Variants in CCDC149 observed in about 807,000 individuals in gnomAD.
CCDC149 encodes coiled-coil domain containing 149, also known as coiled-coil domain-containing protein 149.
A neutral mutation model predicts 59.9 loss-of-function variants in CCDC149; 45 were observed. The ratio of observed to expected loss-of-function variants is 0.75; its 90% CI spans 0.59 to 0.96. CCDC149 has a LOEUF of 0.96. CCDC149 is among the 40% of genes least tolerant of loss of function. The pLI is 0.00. For missense variants in CCDC149, 584 were observed against 664.7 expected, an observed-to-expected ratio of 0.88 and a Z score of 1.33; for synonymous variants, 245 against 260.6, an observed-to-expected ratio of 0.94 and a Z score of 0.58.
Position 24,932,100 on chromosome 4 carries a change from T to G in CCDC149, c.-64-36982A>C, listed in dbSNP as rs1190557545. On this transcript the variant is annotated intron_variant, in intron 1 of 12. Transcript: ENST00000389609. ...GCCAGTTTAGTTCCACAGTGCTTGC[T>G]CTAAACTATTATATTATATTGTGGC... 2.0e-5 allele frequency among the ~76,000 whole-genome samples: 3 copies of G among 152,022 alleles called. No individual in the cohort carries two copies. The East Asian group carries it at 5.8e-4, about 29-fold the overall frequency.
At chr4:24,958,088 G>A (rs1723519312) in intron 1 of CCDC149, among the ~76,000 whole-genome samples, 1 of 152,204 alleles carries the variant, frequency 6.6e-6, no homozygotes, top group South Asian at 2.1e-4. Flanking sequence ...GAATGAAGTA[G>A]TCACAGTGGC....
Position 24,838,169 on chromosome 4 carries a change from C to T in CCDC149, c.476G>A (p.Arg159Gln), listed in dbSNP as rs1392582676. The T allele has an allele frequency of 9.9e-6, 16 of 1,613,542 alleles. No individual in the cohort carries two copies. The East Asian group carries it at 1.1e-4, about 11-fold the overall frequency. ...GTTAGTGAGAACCTGTTCCTTAGCT[C>T]GCTCTAGCTGCTGCACCAAGTCTTC... Residue 159 changes from arginine to glutamine, a missense_variant, in exon 5 of 13, where the codon CGA becomes CAA. By Grantham distance (43) the Arg-to-Gln change is conservative. Transcript: ENST00000635206.
At chr4:24,858,034 A>G (rs147684284) in intron 3 of CCDC149, among the ~76,000 whole-genome samples, 96 of 152,326 alleles carry the variant, frequency 6.3e-4, no homozygotes, top group African/African-American at 2.0e-3. Flanking sequence ...ACAGCAAAAA[A>G]AAAAGAAAGT....
At chr4:24,977,412 G>A (rs145876664) in intron 1 of CCDC149, among the ~76,000 whole-genome samples, 5 of 152,160 alleles carry the variant, frequency 3.3e-5, no homozygotes, top group Non-Finnish European at 7.4e-5. Flanking sequence ...CTGAAACCAC[G>A]TGCATTCATT....
At chr4:24,968,931 C>T (rs189467745) in intron 1 of CCDC149, among the ~76,000 whole-genome samples, 8 of 152,310 alleles carry the variant, frequency 5.3e-5, no homozygotes, top group South Asian at 2.1e-4. Flanking sequence ...CTATTTATCA[C>T]GTGTCAGGCC....
chr4:24,896,700 C>T (rs923701115), intron 1 of CCDC149, among the ~76,000 whole-genome samples: 1 of 152,016 alleles, frequency 6.6e-6, no homozygotes, highest in Non-Finnish European at 1.5e-5. Flanking sequence ...AATTGACTTA[C>T]AGTAAGTTCA....
chr4:24,911,945 G>A (rs1721896488), intron 1 of CCDC149, among the ~76,000 whole-genome samples: 1 of 152,214 alleles, frequency 6.6e-6, no homozygotes, highest in African/African-American at 2.4e-5. Flanking sequence ...GTTCTCAGAA[G>A]GGAGAAATTC....
chr4:24,860,063 C>T (rs1718278277), intron 3 of CCDC149, among the ~76,000 whole-genome samples: 1 of 152,104 alleles, frequency 6.6e-6, no homozygotes, highest in South Asian at 2.1e-4. Context: ...AAAGTACCAT[C>T]ATCATTCTTC....
At chr4:24,875,389 T>C (rs982985498) in intron 2 of CCDC149, among the ~76,000 whole-genome samples, 1 of 151,840 alleles carries the variant, frequency 6.6e-6, no homozygotes, top group Non-Finnish European at 1.5e-5. Context: ...GATTCAAATC[T>C]GGATGAGTTA....
At position 24,859,918 on chromosome 4, in the gene CCDC149, A is replaced by G. The variant is rs192014781; in HGVS notation, c.265-6739T>C. ...GAAAGACCTCTATAAGGAAAACTACAAAGTACTACTGAAAGAAATCAAAGA... is the reference window on the plus strand; with the variant it reads ...GAAAGACCTCTATAAGGAAAACTACGAAGTACTACTGAAAGAAATCAAAGA... On this transcript the variant is annotated intron_variant, in intron 3 of 12. Coordinates refer to ENST00000635206, the MANE Select transcript of CCDC149 (RefSeq NM_001330643.2). Among the ~76,000 whole-genome samples the G allele has an allele frequency of 4.1e-4, 63 of 152,338 alleles. 3 individuals carry two copies. The East Asian group carries it at 0.011, about 27-fold the overall frequency.
At chr4:24,947,801 A>T (rs979267211) in intron 1 of CCDC149, among the ~76,000 whole-genome samples, 7 of 151,078 alleles carry the variant, frequency 4.6e-5, no homozygotes, top group African/African-American at 1.7e-4. Context: ...TAGAAAATTC[A>T]TTACAATGAA....
chr4:24,820,992 C>T, intron 11 of CCDC149, 63 bp downstream of exon 11: 8 of 916,992 alleles, frequency 8.7e-6, no homozygotes, highest in Non-Finnish European at 1.1e-5. Flanking sequence ...TATTTACATG[C>T]AGGGATGACA....
chr4:24,921,369 T>C (rs1190965824), intron 1 of CCDC149, among the ~76,000 whole-genome samples: 1 of 152,220 alleles, frequency 6.6e-6, no homozygotes, highest in Non-Finnish European at 1.5e-5. Flanking sequence ...CTATTCTGTG[T>C]CCCTTGAATG....
chr4:24,816,409 A>T (rs1715017643), intron 12 of CCDC149, among the ~76,000 whole-genome samples: 1 of 152,092 alleles, frequency 6.6e-6, no homozygotes, highest in Non-Finnish European at 1.5e-5. Context: ...AATCCAAAAG[A>T]TACCCCAAAA....
intron 12 of CCDC149, among the ~76,000 whole-genome samples, chr4:24,813,968 G>C (rs1189194039): frequency 6.6e-6 from 1 of 152,208 alleles, no homozygotes; most frequent in East Asian, 1.9e-4. Context: ...TTTCAGCTGA[G>C]TAAGGTGGGT....
intron 1 of CCDC149, among the ~76,000 whole-genome samples, chr4:24,972,677 A>G (rs1724011639): frequency 1.3e-5 from 2 of 152,298 alleles, no homozygotes. Flanking sequence ...AAATCTCATC[A>G]GAGACATTTT....
chr4:24,960,943 C>G (rs1455527045), intron 1 of CCDC149, among the ~76,000 whole-genome samples: 1 of 152,228 alleles, frequency 6.6e-6, no homozygotes, highest in Non-Finnish European at 1.5e-5. Context: ...TTATCCAAGT[C>G]TGCATGAGAC....
chr4:24,855,148 T>C (rs892560848), intron 3 of CCDC149, among the ~76,000 whole-genome samples: 1 of 152,230 alleles, frequency 6.6e-6, no homozygotes, highest in South Asian at 2.1e-4. Context: ...GCTCCATAAC[T>C]ATTTTTAAAA....
intron 12 of CCDC149, among the ~76,000 whole-genome samples, chr4:24,810,998 A>G (rs948964824): frequency 6.6e-6 from 1 of 152,202 alleles, no homozygotes; most frequent in Admixed American, 6.5e-5. Context: ...GAAAACTCCA[A>G]GTGCTCATCA....
Sources: gnomAD v4.1 joint callset for allele counts (sites outside exome capture counted in the v4.1 genomes callset) on GRCh38, gnomAD v4.1.1 for gene constraint, MANE v1.5 for transcripts, NCBI Gene and HGNC (gene_info 2026-07-23, HGNC 2026-07-21) for gene names.